NXPH1: variants seen among roughly 807,000 people sequenced by gnomAD.
NXPH1 encodes the protein neurexophilin-1.
Under a neutral mutation model 23.7 loss-of-function variants are expected in NXPH1, and 5 were observed. The ratio of observed to expected loss-of-function variants is 0.21; its 90% CI spans 0.11 to 0.44. NXPH1 has a LOEUF of 0.44. Ranked by LOEUF, NXPH1 falls within the 20% of genes least tolerant of loss-of-function variation. NXPH1 has a pLI of 0.99. For missense variants in NXPH1, 324 were observed against 321.6 expected, an observed-to-expected ratio of 1.01 and a Z score of -0.06; for synonymous variants, 144 against 122.2, an observed-to-expected ratio of 1.18 and a Z score of -1.18.
rs536195264 is a variant in NXPH1 at position 8,618,383 on chromosome 7, A to C, written c.55-132625A>C. The stretch of plus-strand genomic sequence containing the variant: ...CTGGCTTCATCAAAATAGCCATTGA[A>C]TGCATCTTTTAGGGAGCATCAACAC... On this transcript the variant is annotated intron_variant, in intron 2 of 2. Transcript: ENST00000405863. 2.0e-5 allele frequency among the ~76,000 whole-genome samples: 3 copies of C among 152,296 alleles called. 1 individual carries two copies. Among genetic ancestry groups the C allele is most frequent in the African/African-American group, 7.2e-5 (3 of 41,584 alleles).
At chr7:8,622,853 G>A (rs1425472092) in intron 2 of NXPH1, among the ~76,000 whole-genome samples, 1 of 152,164 alleles carries the variant, frequency 6.6e-6, no homozygotes, top group Non-Finnish European at 1.5e-5. Flanking sequence ...TTTGAGGTGG[G>A]ACATAACTAA....
At chr7:8,608,534 A>T (rs1583189410) in intron 2 of NXPH1, among the ~76,000 whole-genome samples, 1 of 152,098 alleles carries the variant, frequency 6.6e-6, no homozygotes, top group South Asian at 2.1e-4. Context: ...ATAAGAATGG[A>T]GGTAGTGGCA....
intron 2 of NXPH1, among the ~76,000 whole-genome samples, chr7:8,453,066 T>G (rs1260701682): frequency 1.3e-5 from 2 of 152,074 alleles, no homozygotes; most frequent in Non-Finnish European, 1.5e-5. Flanking sequence ...TTCACTCCAG[T>G]TTGGAAACTA....
intron 2 of NXPH1, among the ~76,000 whole-genome samples, chr7:8,511,322 C>G (rs192021798): frequency 6.6e-6 from 1 of 152,180 alleles, no homozygotes; most frequent in East Asian, 1.9e-4. Context: ...GGCCACAACT[C>G]TTGGGACAGA....
At chr7:8,597,547 T>A (rs1311527830) in intron 2 of NXPH1, among the ~76,000 whole-genome samples, 1 of 151,984 alleles carries the variant, frequency 6.6e-6, no homozygotes, top group Non-Finnish European at 1.5e-5. Context: ...TTAATGTACA[T>A]TTGTATGGGG....
intron 2 of NXPH1, among the ~76,000 whole-genome samples, chr7:8,560,484 T>C (rs1292834143): frequency 1.3e-5 from 2 of 148,476 alleles, no homozygotes; most frequent in Non-Finnish European, 3.0e-5. Flanking sequence ...AGCCACTTAC[T>C]TGAATCCACA....
At chr7:8,589,031 T>A (rs1312734995) in intron 2 of NXPH1, among the ~76,000 whole-genome samples, 2 of 152,168 alleles carry the variant, frequency 1.3e-5, no homozygotes, top group African/African-American at 4.8e-5. Flanking sequence ...CAGTATGTTA[T>A]TATCAGTGGA....
intron 2 of NXPH1, among the ~76,000 whole-genome samples, chr7:8,710,208 G>A (rs1179028379): frequency 6.6e-6 from 1 of 152,224 alleles, no homozygotes; most frequent in African/African-American, 2.4e-5. Context: ...GGTCCTGCAA[G>A]TTGAGCAGTT....
intron 2 of NXPH1, among the ~76,000 whole-genome samples, chr7:8,475,939 C>A (rs1023991822): frequency 2.6e-5 from 4 of 152,146 alleles, no homozygotes; most frequent in Admixed American, 6.6e-5. Context: ...CCCTGCACAA[C>A]CTCTCCAACT....
rs529065922 is a variant in NXPH1, at chr7:8,710,766, C to T, written c.55-40242C>T. ...CAAGCTCCGCTTCCCGGGTTCACGC[C>T]ATTCTCCTGCCTCAGCCTCCCCAGT... is the stretch of plus-strand genomic sequence containing the variant. On this transcript the variant is annotated intron_variant, in intron 2 of 2. Coordinates refer to ENST00000405863, the MANE Select transcript of NXPH1 (RefSeq NM_152745.3). 6.5e-4 allele frequency among the ~76,000 whole-genome samples: 86 copies of T among 132,246 alleles called. 6 individuals are homozygous for T. The highest frequency in any genetic ancestry group is 2.5e-3 in the Admixed American group (33 of 12,962). The allele number at this position is 132,246 out of a possible 152,430, so 86.8% of individuals were successfully genotyped here.
Position 8,459,750 on chromosome 7 carries a change from T to C in NXPH1, c.54+23983T>C, listed in dbSNP as rs192076048. Among the ~76,000 whole-genome samples, 495 of 152,248 alleles carry C rather than the reference T, an allele frequency of 3.3e-3. 2 individuals carry two copies. Among genetic ancestry groups the C allele is most frequent in the African/African-American group, 0.011 (470 of 41,552 alleles). On this transcript the variant is annotated intron_variant, in intron 2 of 2. Coordinates refer to ENST00000405863, the MANE Select transcript of NXPH1 (RefSeq NM_152745.3). ...AAAATCTAGGGGAAAAGAGTAAGGA[T>C]GTGCAGTAGATATAAAATCCCATTA...
intron 2 of NXPH1, among the ~76,000 whole-genome samples, chr7:8,718,599 G>C (rs1779915130): frequency 6.6e-6 from 1 of 152,168 alleles, no homozygotes; most frequent in South Asian, 2.1e-4. Flanking sequence ...TTCTCAAAAT[G>C]TAAAACAGGG....
chr7:8,470,720 GC>G (rs755647047), intron 2 of NXPH1, among the ~76,000 whole-genome samples: 16 of 152,096 alleles, frequency 1.1e-4, no homozygotes, highest in Non-Finnish European at 1.8e-4. Flanking sequence ...TAGTATGATG[GC>G]TGTTTATCAA....
chr7:8,619,404 C>T (rs1320185530), intron 2 of NXPH1, among the ~76,000 whole-genome samples: 1 of 152,188 alleles, frequency 6.6e-6, no homozygotes, highest in Non-Finnish European at 1.5e-5. Flanking sequence ...CAACTCTTTA[C>T]TAGAGTTTTG....
chr7:8,509,691 C>T (rs115755832), intron 2 of NXPH1, among the ~76,000 whole-genome samples: 1 of 151,994 alleles, frequency 6.6e-6, no homozygotes, highest in Non-Finnish European at 1.5e-5. Context: ...GAAAGTCAGG[C>T]GTGACATGTC....
At chr7:8,709,903 T>G (rs1779760462) in intron 2 of NXPH1, among the ~76,000 whole-genome samples, 1 of 152,206 alleles carries the variant, frequency 6.6e-6, no homozygotes, top group African/African-American at 2.4e-5. Context: ...GTAGTTGAAC[T>G]TACTGCCTCA....
At chr7:8,530,328 A>ACGTGTTAG (rs1221912584) in intron 2 of NXPH1, among the ~76,000 whole-genome samples, 1 of 152,202 alleles carries the variant, frequency 6.6e-6, no homozygotes, top group Non-Finnish European at 1.5e-5. Flanking sequence ...CTAAAAAGCA[A>ACGTGTTAG]CGTGTTAGAA....
chr7:8,466,026 T>C (rs1816781298), intron 2 of NXPH1, among the ~76,000 whole-genome samples: 1 of 152,202 alleles, frequency 6.6e-6, no homozygotes, highest in African/African-American at 2.4e-5. Context: ...CTCGCTTTAA[T>C]TCACTCAGGT....
chr7:8,685,498 C>T (rs1245193153), intron 2 of NXPH1, among the ~76,000 whole-genome samples: 1 of 151,672 alleles, frequency 6.6e-6, no homozygotes, highest in African/African-American at 2.4e-5. Flanking sequence ...TTTCTTTATC[C>T]ATTAATCTGT....
Sources: allele counts gnomAD v4.1 joint callset (sites outside exome capture counted in the v4.1 genomes callset), GRCh38; gene constraint gnomAD v4.1.1; transcripts MANE v1.5; gene names NCBI Gene and HGNC (gene_info 2026-07-23, HGNC 2026-07-21).